The following NAV3 variants were observed in gnomAD, a reference collection of about 807,000 sequenced individuals.
NAV3 encodes pore membrane and/or filament interacting like protein 1.
NAV3 carries 87 observed loss-of-function variants against 244.7 expected under a neutral mutation model. The ratio of observed to expected loss-of-function variants is 0.36; its 90% CI spans 0.30 to 0.42. The LOEUF is 0.42. NAV3 is among the 20% of genes least tolerant of loss of function. The probability of loss-of-function intolerance (pLI) is 1.00; values close to 1 mark genes in which losing one functional copy is unlikely to be tolerated. For synonymous variants in NAV3, 1,126 were observed against 1,042.2 expected (o/e 1.08, Z -1.55); for missense variants, 2,663 against 2,893.3 (o/e 0.92, Z 1.83).
intron 2 of NAV3, among the ~76,000 whole-genome samples, chr12:77,779,347 AC>A (rs1162739210): frequency 1.3e-5 from 2 of 152,204 alleles, no homozygotes; most frequent in Non-Finnish European, 2.9e-5. Context: ...TTATTCCAAA[AC>A]CGAGTTCTAT....
chr12:78,001,536 A>G (rs1365696902), intron 7 of NAV3, among the ~76,000 whole-genome samples: 2 of 152,252 alleles, frequency 1.3e-5, no homozygotes, highest in East Asian at 3.8e-4. Flanking sequence ...TTTCATATGT[A>G]TGATTTGTAA....
intron 2 of NAV3, among the ~76,000 whole-genome samples, chr12:77,644,784 C>G (rs1872549129): frequency 6.6e-6 from 1 of 152,016 alleles, no homozygotes. Flanking sequence ...TGGGTCCTTT[C>G]TTTCTGAGTA....
chr12:78,069,378 A>G (rs1308842486), intron 12 of NAV3, among the ~76,000 whole-genome samples: 1 of 152,012 alleles, frequency 6.6e-6, no homozygotes, highest in Non-Finnish European at 1.5e-5. Context: ...AAGAATCTAA[A>G]AAGAATCTGT....
chr12:77,937,389 C>G (rs2137418951), intron 1 of NAV3, among the ~76,000 whole-genome samples: 1 of 152,270 alleles, frequency 6.6e-6, no homozygotes, highest in South Asian at 2.1e-4. Flanking sequence ...GTTTTCTCAC[C>G]TAAGTCCCAG....
chr12:77,914,023 T>G lies in NAV3; in HGVS notation c.244-26296T>G, dbSNP rs559384928. Among the ~76,000 whole-genome samples the G allele has an allele frequency of 8.5e-5, 13 of 152,178 alleles. No individual in the cohort carries two copies. In the East Asian group the frequency reaches 2.1e-3, roughly 25 times the overall value. On this transcript the variant is annotated intron_variant, in intron 1 of 39. Transcript: ENST00000397909. The stretch of plus-strand genomic sequence containing the variant: ...ATCTTAATCATATCCACAGCAGAAG[T>G]TCCCCCTCACCTCTGAGCCATGAGA...
rs1959548299 is a variant in NAV3 at position 78,200,604 on chromosome 12, A to G, written c.6834+13A>G. 1 of 1,347,812 alleles carries G rather than the reference A, an allele frequency of 7.4e-7. No individual in the cohort carries two copies. The highest frequency in any genetic ancestry group is 1.5e-5 in the South Asian group (1 of 64,822). The allele number at this position is 1,347,812 out of a possible 1,614,324, so 83.5% of individuals were successfully genotyped here. ...AGAGGGTCTTCAGGTATAGTACTCA[A>G]TTTTCATTGCTATTTTTTTTTAAAA... On this transcript the variant is annotated intron_variant, in intron 38 of 39. Transcript: ENST00000397909.
intron 2 of NAV3, among the ~76,000 whole-genome samples, chr12:77,587,313 G>A (rs1298018167): frequency 6.6e-6 from 1 of 152,082 alleles, no homozygotes; most frequent in Non-Finnish European, 1.5e-5. Flanking sequence ...CAAAAGTATT[G>A]AGGTAAAAAG....
At chr12:78,036,224 T>C (rs1195630983) in intron 9 of NAV3, 1 of 152,252 alleles carries the variant, frequency 6.6e-6, no homozygotes, top group Admixed American at 6.5e-5. Context: ...GCCAGCAGCA[T>C]CCACTGCAGC....
intron 2 of NAV3, among the ~76,000 whole-genome samples, chr12:77,722,122 A>G (rs1225623602): frequency 1.3e-5 from 2 of 151,856 alleles, no homozygotes; most frequent in Admixed American, 1.3e-4. Flanking sequence ...CCCACAAACA[A>G]CCCTTTTACT....
chr12:78,160,766 A>G (rs1358982076), intron 23 of NAV3, among the ~76,000 whole-genome samples: 1 of 152,022 alleles, frequency 6.6e-6, no homozygotes, highest in Non-Finnish European at 1.5e-5. Flanking sequence ...TGCCCGTGAG[A>G]GAGAATATTA....
chr12:77,783,766 T>C (rs1464266101), intron 2 of NAV3, among the ~76,000 whole-genome samples: 2 of 152,190 alleles, frequency 1.3e-5, no homozygotes, highest in African/African-American at 4.8e-5. Context: ...TCTTTGCAGA[T>C]ACATACAATT....
intron 20 of NAV3, among the ~76,000 whole-genome samples, chr12:78,142,737 GTA>G (rs1565714167): frequency 9.8e-6 from 1 of 101,856 alleles, no homozygotes; most frequent in Non-Finnish European, 2.1e-5. Flanking sequence ...GTGTGTGTGT[GTA>G]TATATATATT....
intron 2 of NAV3, among the ~76,000 whole-genome samples, chr12:77,629,246 G>C (rs1354691519): frequency 6.6e-6 from 1 of 152,136 alleles, no homozygotes; most frequent in Non-Finnish European, 1.5e-5. Context: ...TTGGACATAA[G>C]TATTCAATAA....
At chr12:77,768,916 C>T (rs985182446) in intron 2 of NAV3, among the ~76,000 whole-genome samples, 1 of 152,234 alleles carries the variant, frequency 6.6e-6, no homozygotes, top group African/African-American at 2.4e-5. Context: ...ATTTATTACT[C>T]TCTTCTTCCT....
intron 37 of NAV3, among the ~76,000 whole-genome samples, chr12:78,199,825 C>A (rs1959451654): frequency 6.6e-6 from 1 of 151,812 alleles, no homozygotes; most frequent in Non-Finnish European, 1.5e-5. Flanking sequence ...ATTTAGGATA[C>A]TTTTTATGCT....
chr12:77,923,246 T>C (rs972966381), intron 1 of NAV3, among the ~76,000 whole-genome samples: 7 of 152,228 alleles, frequency 4.6e-5, no homozygotes, highest in East Asian at 1.9e-4. Context: ...AAAAAGCACA[T>C]TTTCTATCGC....
intron 12 of NAV3, among the ~76,000 whole-genome samples, chr12:78,073,393 A>G (rs1952881161): frequency 6.6e-6 from 1 of 150,966 alleles, no homozygotes; most frequent in South Asian, 2.1e-4. Flanking sequence ...TACACCAGCA[A>G]CAGACAAACA....
rs137892375 is a variant in NAV3, at chr12:78,084,581, A to ACT, written c.2636+25479_2636+25480dup. Among the ~76,000 whole-genome samples the ACT allele has an allele frequency of 1.3e-4, 20 of 150,134 alleles. 1 individual carries two copies. The highest frequency in any genetic ancestry group is 3.9e-4 in the East Asian group (2 of 5,090). On this transcript the variant is annotated intron_variant, in intron 12 of 39. Coordinates refer to ENST00000397909, the MANE Select transcript of NAV3 (RefSeq NM_001024383.2). ...CATTCCATATTGCCCTTGAGCCACC[A>ACT]CTCTCTCTCTCTCTTTCTCTCTCTC...
chr12:77,599,945 A>G (rs751730159), intron 2 of NAV3, among the ~76,000 whole-genome samples: 123 of 152,050 alleles, frequency 8.1e-4, no homozygotes, highest in Non-Finnish European at 4.0e-4. Context: ...CTGTGAATAG[A>G]AAGTCAATTT....
Sources: allele counts gnomAD v4.1 joint callset (sites outside exome capture counted in the v4.1 genomes callset), GRCh38; gene constraint gnomAD v4.1.1; transcripts MANE v1.5; gene names NCBI Gene and HGNC (gene_info 2026-07-23, HGNC 2026-07-21).